The following FNIP2 variants were observed in gnomAD, a reference collection of about 807,000 sequenced individuals.
FNIP2 encodes folliculin interacting protein 2, also known as folliculin-interacting protein 2.
A neutral mutation model predicts 108.7 loss-of-function variants in FNIP2; 32 were observed. The ratio of observed to expected loss-of-function variants is 0.29; its 90% CI spans 0.22 to 0.40. The LOEUF (loss-of-function observed/expected upper bound fraction) is 0.40. Ranked by LOEUF, FNIP2 falls within the 10% of genes least tolerant of loss-of-function variation. FNIP2 has a pLI of 1.00. For synonymous variants in FNIP2, 480 were observed against 496.7 expected, an observed-to-expected ratio of 0.97 and a Z score of 0.45; for missense variants, 1,202 against 1,381.6, an observed-to-expected ratio of 0.87 and a Z score of 2.06.
chr4:158,863,264 A>G (rs576162622), intron 12 of FNIP2, among the ~76,000 whole-genome samples: 1 of 152,364 alleles, frequency 6.6e-6, no homozygotes, highest in Admixed American at 6.5e-5. Context: ...ATAATTTGAC[A>G]GGTAGAAGCA....
chr4:158,890,901 G>A (rs920319460), intron 14 of FNIP2, among the ~76,000 whole-genome samples: 1 of 152,144 alleles, frequency 6.6e-6, no homozygotes, highest in Non-Finnish European at 1.5e-5. Context: ...AGCTGGCATA[G>A]CTTGGGCCAT....
intron 9 of FNIP2, 73 bp downstream of exon 9, chr4:158,859,331 C>G: frequency 6.8e-7 from 1 of 1,462,088 alleles, no homozygotes; most frequent in Non-Finnish European, 9.3e-7. Context: ...ATTTCTTTGC[C>G]GATGTATCAG....
At chr4:158,769,401 A>G in intron 1 of FNIP2, 82 bp downstream of exon 1, 4 of 978,774 alleles carry the variant, frequency 4.1e-6, no homozygotes, top group Non-Finnish European at 5.6e-6. Context: ...GGTAGGGGAA[A>G]GGGAAGGGAC....
chr4:158,781,863 G>A (rs1319756661), intron 1 of FNIP2, among the ~76,000 whole-genome samples: 1 of 151,942 alleles, frequency 6.6e-6, no homozygotes, highest in Non-Finnish European at 1.5e-5. Context: ...CACTTACAAT[G>A]TGGGGCACAT....
rs187189840 is a variant in FNIP2 at position 158,821,394 on chromosome 4, C to T, written c.108-4522C>T. 3.9e-5 allele frequency among the ~76,000 whole-genome samples: 6 copies of T among 152,374 alleles called. No homozygotes were observed. In the East Asian group the frequency reaches 1.2e-3, roughly 29 times the overall value. ...AGGCAAAAGCCCCAAGGCTTGTTTTCATACCCCTTTTGAATCATGCCGAGT... is the reference window on the plus strand; with the variant it reads ...AGGCAAAAGCCCCAAGGCTTGTTTTTATACCCCTTTTGAATCATGCCGAGT... On this transcript the variant is annotated intron_variant, in intron 1 of 16. Coordinates refer to ENST00000264433, the MANE Select transcript of FNIP2 (RefSeq NM_020840.3).
intron 1 of FNIP2, among the ~76,000 whole-genome samples, chr4:158,789,495 C>T (rs1638766581): frequency 6.6e-6 from 1 of 152,142 alleles, no homozygotes; most frequent in Non-Finnish European, 1.5e-5. Flanking sequence ...AATGATGTTT[C>T]TGATGTGTGC....
At chr4:158,842,401 A>C (rs1373759589) in intron 7 of FNIP2, among the ~76,000 whole-genome samples, 1 of 152,338 alleles carries the variant, frequency 6.6e-6, no homozygotes, top group East Asian at 1.9e-4. Context: ...AGTTTAGTGT[A>C]ACTTGAATTA....
rs1579028352 is a variant in FNIP2 at position 158,907,358 on chromosome 4, A to G, written c.*2814A>G. The G allele has an allele frequency of 6.6e-6, 1 of 152,308 alleles. No individual in the cohort carries two copies. Among genetic ancestry groups the G allele is most frequent in the East Asian group, 1.9e-4 (1 of 5,188 alleles). 9.4% of individuals were successfully genotyped at this position (152,308 alleles called of 1,614,324 possible). Reference sequence around the variant, plus strand: ...TAATGAAAGTAACTATAATCTTTTCACATCCCATGGAACTGCCGTTTACAC... The same window carrying G: ...TAATGAAAGTAACTATAATCTTTTCGCATCCCATGGAACTGCCGTTTACAC... On this transcript the variant is annotated 3_prime_UTR_variant, in exon 17 of 17. Transcript: ENST00000264433.
chr4:158,803,369 A>C (rs1022084691), intron 1 of FNIP2, among the ~76,000 whole-genome samples: 2 of 152,210 alleles, frequency 1.3e-5, no homozygotes, highest in Admixed American at 1.3e-4. Context: ...GTGTGTAATT[A>C]CATTTTAGGA....
intron 1 of FNIP2, chr4:158,806,409 G>A: frequency 7.8e-7 from 1 of 1,289,064 alleles, no homozygotes; most frequent in Non-Finnish European, 1.0e-6. Flanking sequence ...CTGACCACAC[G>A]GAACTCGACA....
At chr4:158,859,400 T>G (rs939038992) in intron 9 of FNIP2, 142 bp downstream of exon 9, 6 of 1,099,064 alleles carry the variant, frequency 5.5e-6, no homozygotes, top group Non-Finnish European at 7.8e-6. Flanking sequence ...GGCATGTTGA[T>G]GTTAGTTACC....
At chr4:158,859,543 T>A in intron 9 of FNIP2, 35 bp from the exon 10 acceptor site, 1 of 1,544,122 alleles carries the variant, frequency 6.5e-7, no homozygotes, top group Admixed American at 1.8e-5. Context: ...TAAAATTTCT[T>A]CTCAGTAATT....
At chr4:158,860,654 CTTTTTTTTT>C (rs34208761) in intron 10 of FNIP2, among the ~76,000 whole-genome samples, 2 of 121,116 alleles carry the variant, frequency 1.7e-5, no homozygotes, top group African/African-American at 6.2e-5. Context: ...CTGGGTCCCA[CTTTTTTTTT>C]TTTTTTTTTT....
Position 158,868,604 on chromosome 4 carries a change from G to T in FNIP2, c.1968G>T (p.Glu656Asp). 6.2e-7 allele frequency: 1 copy of T among 1,613,770 alleles called. No homozygotes were observed. Among genetic ancestry groups the T allele is most frequent in the Non-Finnish European group, 8.5e-7 (1 of 1,179,756 alleles). The change falls in exon 13 of 17, where the codon GAG becomes GAT. Residue 656 changes from glutamate to aspartate, a missense_variant. Glu to Asp is a conservative substitution (Grantham distance 45). This residue lies in a region of FNIP2 where 878 missense variants were observed against 990.3 expected (regional missense o/e 0.89). Transcript: ENST00000264433. The surrounding 1 kb of genome is among the most constrained non-coding windows in gnomAD (Gnocchi z 4.6). ...TTTGTGGGGATGAGAAAAATAAAGA[G>T]GCACCGCAAGATGGCTCTTCAAGAC... ...NAFCGDEKNK[E>D]APQDGSSRLP...
At chr4:158,827,333 G>A (rs1276219742) in intron 2 of FNIP2, among the ~76,000 whole-genome samples, 1 of 152,208 alleles carries the variant, frequency 6.6e-6, no homozygotes, top group African/African-American at 2.4e-5. Flanking sequence ...CTATCACTGG[G>A]GCTGCTCATA....
chr4:158,777,253 T>C lies in FNIP2; in HGVS notation c.107+7934T>C, dbSNP rs138772667. Among the ~76,000 whole-genome samples, 59 of 152,324 alleles carry C rather than the reference T, an allele frequency of 3.9e-4. 1 individual carries two copies. In the East Asian group the frequency reaches 9.1e-3, roughly 23 times the overall value. On this transcript the variant is annotated intron_variant, in intron 1 of 16. Coordinates refer to ENST00000264433, the MANE Select transcript of FNIP2 (RefSeq NM_020840.3). ...CTTGTATGGCTTGGTAAAACTGAAA[T>C]ACATTATGGAATGAAATGAGCAAAT...
intron 1 of FNIP2, among the ~76,000 whole-genome samples, chr4:158,813,611 G>T (rs1420756132): frequency 3.3e-5 from 5 of 152,100 alleles, no homozygotes; most frequent in Non-Finnish European, 7.4e-5. Context: ...GGAATATTTT[G>T]TCTCAGTCTG....
intron 14 of FNIP2, among the ~76,000 whole-genome samples, chr4:158,874,027 G>A (rs185774585): frequency 1.3e-5 from 2 of 152,306 alleles, no homozygotes; most frequent in African/African-American, 4.8e-5. Context: ...TTATTGTGGG[G>A]CAGTGTAAGG....
chr4:158,833,977 T>C, intron 6 of FNIP2: 2 of 859,788 alleles, frequency 2.3e-6, no homozygotes, highest in Non-Finnish European at 3.1e-6. Context: ...CTTGTGCCTC[T>C]CTAGAAATCC....
Sources: gnomAD v4.1 joint callset for allele counts (sites outside exome capture counted in the v4.1 genomes callset) on GRCh38, gnomAD v4.1.1 for gene constraint, gnomAD v4.1.1 regional missense constraint, Gnocchi (gnomAD v3.1) non-coding constraint, MANE v1.5 for transcripts, NCBI Gene and HGNC (gene_info 2026-07-23, HGNC 2026-07-21) for gene names.